AKAP11: variants seen among roughly 807,000 people sequenced by gnomAD.
AKAP11 encodes the protein A-kinase anchor protein 11.
A neutral mutation model predicts 146.1 loss-of-function variants in AKAP11; 36 were observed. That is an observed-to-expected ratio of 0.25 (90% CI 0.19 to 0.33). The LOEUF is 0.33. AKAP11 is among the 10% of genes least tolerant of loss of function. The pLI is 1.00. For synonymous variants in AKAP11, 780 were observed against 786.5 expected (o/e 0.99, Z 0.14); for missense variants, 2,201 against 2,197.0 (o/e 1.00, Z -0.04).
At position 42,300,528 on chromosome 13, in the gene AKAP11, G is replaced by A; in HGVS notation, c.1782G>A (p.Met594Ile). Reference sequence around the variant, plus strand: ...AATTGACATCATCTGTTTTGCAGATGGCATTTGATGAGCTGAGAAGGCAGC... The same window carrying A: ...AATTGACATCATCTGTTTTGCAGATAGCATTTGATGAGCTGAGAAGGCAGC... ...AIKLTSSVLQ[M>I]AFDELRRQRA... is the part of the protein sequence containing the mutation. Residue 594 changes from methionine (M) to isoleucine (I), a missense_variant, in exon 8 of 13, where the codon ATG (methionine) becomes ATA (isoleucine). This residue lies in a region of AKAP11 where 1,867 missense variants were observed against 1,833.5 expected (regional missense o/e 1.02). Coordinates refer to ENST00000025301, the MANE Select transcript of AKAP11 (RefSeq NM_016248.4). The A allele has an allele frequency of 6.2e-7, 1 of 1,614,060 alleles. No individual in the cohort carries two copies. Among genetic ancestry groups the A allele is most frequent in the Non-Finnish European group, 8.5e-7 (1 of 1,179,968 alleles).
chr13:42,312,732 A>G (rs9533061), intron 9 of AKAP11, among the ~76,000 whole-genome samples: 18,786 of 152,232 alleles, frequency 0.12, 1,303 homozygotes, highest in South Asian at 0.17. Flanking sequence ...GTCCTAAGAC[A>G]TTAATTTTCC....
At chr13:42,285,850 T>C (rs765383304) in intron 1 of AKAP11, 136 bp from the exon 2 acceptor site, 1 of 152,388 alleles carries the variant, frequency 6.6e-6, no homozygotes, top group Non-Finnish European at 1.5e-5. Flanking sequence ...GCCCAAGAAA[T>C]AAGAATGTCA....
At position 42,300,634 on chromosome 13, in the gene AKAP11, G is replaced by A. The variant is rs780052151; in HGVS notation, c.1888G>A (p.Asp630Asn). ...TGAAGCTTTATCAAATGCCTTAAAA[G>A]ATTTACAGTATGTAAAGAAGCAGAT... ...VSEALSNALK[D>N]LQYVKKQIFT... The change falls in exon 8 of 13, where the codon GAT (aspartate) becomes AAT (asparagine). Residue 630 changes from aspartate (D) to asparagine (N), a missense_variant. By Grantham distance (23) the Asp-to-Asn change is conservative. Around this residue, in one of 3 missense-constraint regions of AKAP11, gnomAD observed 1,867 missense variants for 1,833.5 expected, o/e 1.02. Coordinates refer to ENST00000025301, the MANE Select transcript of AKAP11 (RefSeq NM_016248.4). 1.2e-6 allele frequency: 2 copies of A among 1,613,928 alleles called. No individual in the cohort carries two copies. The highest frequency in any genetic ancestry group is 1.7e-6 in the Non-Finnish European group (2 of 1,179,950).
Position 42,300,347 on chromosome 13 carries a change from A to G in AKAP11, c.1601A>G (p.Asp534Gly). 1 of 1,605,906 alleles carries G rather than the reference A, an allele frequency of 6.2e-7. No homozygotes were observed. The highest frequency in any genetic ancestry group is 8.5e-7 in the Non-Finnish European group (1 of 1,177,622). The change falls in exon 8 of 13, where the codon GAT becomes GGT. Residue 534 changes from aspartate to glycine, a missense_variant. By Grantham distance (94) the Asp-to-Gly change is moderately conservative. Coordinates refer to ENST00000025301, the MANE Select transcript of AKAP11 (RefSeq NM_016248.4). The part of the protein sequence containing the change: ...KTVTFKHGNL[D>G]QKNKSKNKSL... Reference sequence around the variant, plus strand: ...GTAACTTTTAAGCATGGAAACCTTGATCAAAAAAATAAATCTAAAAATAAA... The same window carrying G: ...GTAACTTTTAAGCATGGAAACCTTGGTCAAAAAAATAAATCTAAAAATAAA...
intron 1 of AKAP11, among the ~76,000 whole-genome samples, chr13:42,283,080 T>G (rs924419620): frequency 2.4e-4 from 37 of 152,246 alleles, no homozygotes; most frequent in African/African-American, 8.9e-4. Context: ...TCTTCCCCCA[T>G]CAATCTTTGC....
intron 1 of AKAP11, among the ~76,000 whole-genome samples, chr13:42,285,345 C>T (rs1412434431): frequency 6.6e-6 from 1 of 152,122 alleles, no homozygotes; most frequent in Non-Finnish European, 1.5e-5. Context: ...TGCCTGGCTT[C>T]AACTAGGCAG....
chr13:42,286,247 T>G, intron 2 of AKAP11, 53 bp from the exon 3 acceptor site: 1 of 667,286 alleles, frequency 1.5e-6, no homozygotes, highest in East Asian at 3.0e-5. Flanking sequence ...CACAAAATGC[T>G]TGCCTGAATT....
At position 42,314,873 on chromosome 13, in the gene AKAP11, T is replaced by C. The variant is rs139411134; in HGVS notation, c.5404+933T>C. Among the ~76,000 whole-genome samples, 88 of 152,264 alleles carry C rather than the reference T, an allele frequency of 5.8e-4. No individual in the cohort carries two copies. In the East Asian group the frequency reaches 0.015, roughly 26 times the overall value. ...CAGAGTTTTGGACCATAGTTTGTAA[T>C]CCTTAATTCATGTTAGAGTATCTGA... On this transcript the variant is annotated intron_variant, in intron 11 of 12. Transcript: ENST00000025301.
rs371178703 is a variant in AKAP11, at chr13:42,292,951, ATACT to A, written c.168+455_168+458del. ...TGATAAATTTATCTTTGAAATTAAG[ATACT>A]TACTCTATTACTTGAGGATAAGATA... On this transcript the variant is annotated intron_variant, in intron 4 of 12. Transcript: ENST00000025301. Among the ~76,000 whole-genome samples, 122 of 152,362 alleles carry A rather than the reference ATACT, an allele frequency of 8.0e-4. 1 individual carries two copies. The highest frequency in any genetic ancestry group is 2.8e-3 in the African/African-American group (115 of 41,590).
chr13:42,276,976 C>T (rs571603469), intron 1 of AKAP11, among the ~76,000 whole-genome samples: 47 of 152,254 alleles, frequency 3.1e-4, no homozygotes, highest in African/African-American at 4.3e-4. Flanking sequence ...GATAGGGCTA[C>T]GTACAAGATT....
chr13:42,272,464 G>A (rs1958796040), intron 1 of AKAP11, among the ~76,000 whole-genome samples: 5 of 152,220 alleles, frequency 3.3e-5, no homozygotes, highest in Non-Finnish European at 1.5e-5. Context: ...CCAGAGTAGA[G>A]GGAGGTGCTG....
In AKAP11 at chr13:42,298,635, A is replaced by G. The variant is rs1208822624; in HGVS notation, c.454A>G (p.Ile152Val). 4 of 1,612,290 alleles carry G rather than the reference A, an allele frequency of 2.5e-6. No homozygotes were observed. Among genetic ancestry groups the G allele is most frequent in the East Asian group, 4.5e-5 (2 of 44,856 alleles). The change falls in exon 7 of 13, where the codon ATA becomes GTA. Residue 152 changes from isoleucine (I) to valine (V), a missense_variant. By Grantham distance (29) the Ile-to-Val change is conservative. Coordinates refer to ENST00000025301, the MANE Select transcript of AKAP11 (RefSeq NM_016248.4). ...TCTCCTAAGTAAATATGCTACTGGT[A>G]TAAGGTACACCTTGGACACATTCTT... ...FSLLSKYATG[I>V]RYTLDTFLHQ...
chr13:42,302,573 A>C lies in AKAP11; in HGVS notation c.3827A>C (p.Lys1276Thr). 6.2e-7 allele frequency: 1 copy of C among 1,614,130 alleles called. No individual in the cohort carries two copies. The highest frequency in any genetic ancestry group is 8.5e-7 in the Non-Finnish European group (1 of 1,180,012). ...ATTACAGAAGCTGAGAAAATAGCAAAAGTCCGAAATTGTATGCTTTTCAAG... is the reference window on the plus strand; with the variant it reads ...ATTACAGAAGCTGAGAAAATAGCAACAGTCCGAAATTGTATGCTTTTCAAG... ...EVITEAEKIA[K>T]VRNCMLFKQK... Residue 1276 changes from lysine to threonine, a missense_variant, in exon 8 of 13, where the codon AAA (lysine) becomes ACA (threonine). This residue lies in a region of AKAP11 where 1,867 missense variants were observed against 1,833.5 expected (regional missense o/e 1.02). Transcript: ENST00000025301.
chr13:42,306,389 T>C (rs550828997), intron 8 of AKAP11, among the ~76,000 whole-genome samples: 1 of 152,316 alleles, frequency 6.6e-6, no homozygotes, highest in East Asian at 1.9e-4. Flanking sequence ...CTAAAGTTTT[T>C]AAGACATCAC....
At chr13:42,273,021 A>G (rs1325845447) in intron 1 of AKAP11, among the ~76,000 whole-genome samples, 1 of 152,038 alleles carries the variant, frequency 6.6e-6, no homozygotes, top group Non-Finnish European at 1.5e-5. Flanking sequence ...ATAAAGTTGG[A>G]TGTGGTTTAG....
At chr13:42,297,510 A>G (rs955779360) in intron 6 of AKAP11, among the ~76,000 whole-genome samples, 2 of 151,890 alleles carry the variant, frequency 1.3e-5, no homozygotes, top group Non-Finnish European at 2.9e-5. Context: ...ACTTTTCCCT[A>G]TTATGGCCAA....
At chr13:42,282,260 CTTTTTT>C in intron 1 of AKAP11, among the ~76,000 whole-genome samples, 1 of 112,390 alleles carries the variant, frequency 8.9e-6, no homozygotes, top group East Asian at 2.5e-4. Flanking sequence ...CTAGGCCAGT[CTTTTTT>C]TTTTTTTTTT....
chr13:42,313,202 G>T (rs1960647710), intron 10 of AKAP11, 72 bp downstream of exon 10: 2 of 1,201,160 alleles, frequency 1.7e-6, no homozygotes, highest in South Asian at 2.8e-5. Context: ...ATTCTTCAAA[G>T]AATGTGGGTT....
At position 42,300,742 on chromosome 13, in the gene AKAP11, T is replaced by C. The variant is rs759311405; in HGVS notation, c.1996T>C (p.Ser666Pro). 21 of 1,613,972 alleles carry C rather than the reference T, an allele frequency of 1.3e-5. No individual in the cohort carries two copies. The highest frequency in any genetic ancestry group is 1.7e-6 in the Non-Finnish European group (2 of 1,179,960). Reference sequence around the variant, plus strand: ...AGGCATCATGGAGGTGTGTCAGTTTTCATATCCTCAAACGCCTGCATCTCC... The same window carrying C: ...AGGCATCATGGAGGTGTGTCAGTTTCCATATCCTCAAACGCCTGCATCTCC... ...FEGIMEVCQF[S>P]YPQTPASPQC... Residue 666 changes from serine (S) to proline (P), a missense_variant, in exon 8 of 13, where the codon TCA (serine) becomes CCA (proline). Transcript: ENST00000025301.
Sources: allele counts gnomAD v4.1 joint callset (sites outside exome capture counted in the v4.1 genomes callset), GRCh38; gene constraint gnomAD v4.1.1; regional missense constraint gnomAD v4.1.1; transcripts MANE v1.5; gene names NCBI Gene and HGNC (gene_info 2026-07-23, HGNC 2026-07-21).